ASIC2: variants seen among roughly 807,000 people sequenced by gnomAD.
ASIC2 encodes acid sensing ion channel subunit 2, also known as acid-sensing ion channel 2.
ASIC2 carries 25 observed loss-of-function variants against 57.3 expected under a neutral mutation model. The ratio of observed to expected loss-of-function variants is 0.44; its 90% CI spans 0.32 to 0.61. The LOEUF is 0.61. ASIC2 is among the 20% of genes least tolerant of loss of function. The probability of loss-of-function intolerance (pLI) is 0.06; values close to 1 mark genes in which losing one functional copy is unlikely to be tolerated. For missense variants in ASIC2, 641 were observed against 738.1 expected, an observed-to-expected ratio of 0.87 and a Z score of 1.52; for synonymous variants, 319 against 307.5, an observed-to-expected ratio of 1.04 and a Z score of -0.39.
rs574670032 is a variant in ASIC2 at position 33,537,643 on chromosome 17, G to T, written c.556-425576C>A. Among the ~76,000 whole-genome samples the T allele has an allele frequency of 6.0e-4, 92 of 152,334 alleles. 1 individual carries two copies. The highest frequency in any genetic ancestry group is 2.0e-3 in the African/African-American group (83 of 41,576). ...TGAATGTAGCCAAGTCAAGTCAGCA[G>T]ATGCTCAGATCATAATGTGGGTGGA... On this transcript the variant is annotated intron_variant, in intron 1 of 9. Transcript: ENST00000359872.
At chr17:33,801,316 T>C (rs1567719694) in intron 1 of ASIC2, among the ~76,000 whole-genome samples, 1 of 152,234 alleles carries the variant, frequency 6.6e-6, no homozygotes, top group Non-Finnish European at 1.5e-5. Flanking sequence ...GGGACTAAAA[T>C]GGATCACCAG....
chr17:33,157,179 A>G (rs189323338), intron 1 of ASIC2, among the ~76,000 whole-genome samples: 22 of 152,250 alleles, frequency 1.4e-4, no homozygotes, highest in African/African-American at 5.1e-4. Context: ...ATGAGAGTTC[A>G]TTACCTTGCT....
At chr17:33,074,775 G>A (rs757144875) in intron 3 of ASIC2, among the ~76,000 whole-genome samples, 84 of 152,290 alleles carry the variant, frequency 5.5e-4, no homozygotes, top group Middle Eastern at 3.4e-3. Flanking sequence ...TCCAGTCATT[G>A]CTACCTAATT....
At chr17:33,950,260 T>A (rs1172306582) in intron 1 of ASIC2, among the ~76,000 whole-genome samples, 3 of 152,200 alleles carry the variant, frequency 2.0e-5, no homozygotes, top group Non-Finnish European at 4.4e-5. Context: ...CTGCCCACTC[T>A]CAGTGCAGAC....
chr17:33,775,323 C>T (rs1911234465), intron 1 of ASIC2, among the ~76,000 whole-genome samples: 2 of 152,194 alleles, frequency 1.3e-5, no homozygotes, highest in South Asian at 4.1e-4. Flanking sequence ...CATATTCTGA[C>T]TCCCAGGCAC....
chr17:33,789,474 A>T (rs796913705), intron 1 of ASIC2, among the ~76,000 whole-genome samples: 6,490 of 151,540 alleles, frequency 0.043, 330 homozygotes, highest in African/African-American at 0.13. Context: ...TCACACACAC[A>T]CACACACACA....
chr17:33,539,442 A>T (rs1353370667), intron 1 of ASIC2, among the ~76,000 whole-genome samples: 1 of 152,214 alleles, frequency 6.6e-6, no homozygotes, highest in African/African-American at 2.4e-5. Flanking sequence ...TCCAAGGTGG[A>T]GGGCAGGAAA....
intron 1 of ASIC2, among the ~76,000 whole-genome samples, chr17:33,859,997 G>A (rs1490866456): frequency 1.3e-5 from 2 of 152,086 alleles, no homozygotes; most frequent in African/African-American, 4.8e-5. Context: ...TTTTTTATAT[G>A]CCATATATTT....
Position 33,292,285 on chromosome 17 carries a change from G to C in ASIC2, c.-170C>G. On this transcript the variant is annotated 5_prime_UTR_variant, in exon 1 of 10. Coordinates refer to ENST00000225823, the MANE Select transcript of ASIC2 (RefSeq NM_183377.2). ...TGGCGCGGCATGCCCGCCCGGCGCCGCCGCTGCCGCCTCCGCGGGCGCCCG... is the reference window on the plus strand; with the variant it reads ...TGGCGCGGCATGCCCGCCCGGCGCCCCCGCTGCCGCCTCCGCGGGCGCCCG... 1.0e-6 allele frequency: 1 copy of C among 988,646 alleles called. No individual in the cohort carries two copies. The allele number at this position is 988,646 out of a possible 1,614,324, so 61.2% of individuals were successfully genotyped here.
chr17:33,870,269 A>T (rs1477253556), intron 1 of ASIC2, among the ~76,000 whole-genome samples: 3 of 110,274 alleles, frequency 2.7e-5, no homozygotes, highest in African/African-American at 1.1e-4. Flanking sequence ...GCACTTCATC[A>T]AAGGCTCTCT....
At chr17:33,829,728 C>T (rs1160830416) in intron 1 of ASIC2, among the ~76,000 whole-genome samples, 1 of 152,002 alleles carries the variant, frequency 6.6e-6, no homozygotes, top group African/African-American at 2.4e-5. Context: ...CTGTGCCTGG[C>T]TAATTTTTGT....
chr17:34,053,127 A>T (rs562425090), intron 1 of ASIC2, among the ~76,000 whole-genome samples: 1 of 151,894 alleles, frequency 6.6e-6, no homozygotes, highest in African/African-American at 2.4e-5. Flanking sequence ...CCACTGATCA[A>T]CCCCTAAGAA....
chr17:33,431,833 C>A (rs1911432417), intron 1 of ASIC2, among the ~76,000 whole-genome samples: 1 of 151,524 alleles, frequency 6.6e-6, no homozygotes. Flanking sequence ...AAGGTACAGA[C>A]AACTTCTCTA....
intron 1 of ASIC2, among the ~76,000 whole-genome samples, chr17:33,327,882 T>C (rs929505419): frequency 1.3e-5 from 2 of 151,950 alleles, no homozygotes; most frequent in Non-Finnish European, 2.9e-5. Flanking sequence ...TTCTTATAAG[T>C]GGAGAGAGGC....
At chr17:33,198,276 C>T (rs138161407) in intron 1 of ASIC2, among the ~76,000 whole-genome samples, 4 of 152,158 alleles carry the variant, frequency 2.6e-5, no homozygotes, top group Admixed American at 6.5e-5. Flanking sequence ...CCCTTGAACT[C>T]GGGAGGTCCA....
chr17:33,890,719 C>T (rs186415773), intron 1 of ASIC2, among the ~76,000 whole-genome samples: 1 of 152,336 alleles, frequency 6.6e-6, no homozygotes, highest in Non-Finnish European at 1.5e-5. Context: ...CTTCAATTCT[C>T]ACTAAGCCCT....
At chr17:34,129,893 A>G (rs1282216490) in intron 1 of ASIC2, among the ~76,000 whole-genome samples, 1 of 152,190 alleles carries the variant, frequency 6.6e-6, no homozygotes, top group Non-Finnish European at 1.5e-5. Context: ...CCCTCCAGAC[A>G]TACCATGTCC....
intron 1 of ASIC2, among the ~76,000 whole-genome samples, chr17:33,258,192 A>G (rs768459978): frequency 7.0e-4 from 106 of 152,232 alleles, no homozygotes; most frequent in Non-Finnish European, 9.6e-4. Flanking sequence ...ACTCGTTCAC[A>G]GCATCATTAA....
intron 1 of ASIC2, among the ~76,000 whole-genome samples, chr17:33,695,774 A>G (rs1908505309): frequency 6.6e-6 from 1 of 152,240 alleles, no homozygotes; most frequent in African/African-American, 2.4e-5. Flanking sequence ...CCAAGCAATT[A>G]GGAACATAAA....
Sources: allele counts gnomAD v4.1 joint callset (sites outside exome capture counted in the v4.1 genomes callset), GRCh38; gene constraint gnomAD v4.1.1; transcripts MANE v1.5; gene names NCBI Gene and HGNC (gene_info 2026-07-23, HGNC 2026-07-21).